Variants in ZFYVE16 observed in about 807,000 individuals in gnomAD.
ZFYVE16 encodes the protein zinc finger FYVE-type containing 16, also known as zinc finger FYVE domain-containing protein 16.
A neutral mutation model predicts 138.1 loss-of-function variants in ZFYVE16; 89 were observed. That is an observed-to-expected ratio of 0.64 (90% CI 0.54 to 0.77). The LOEUF (loss-of-function observed/expected upper bound fraction) is 0.77. ZFYVE16 is among the 30% of genes least tolerant of loss of function. ZFYVE16 has a pLI of 0.00. For missense variants in ZFYVE16, 1,793 were observed against 1,786.7 expected, an observed-to-expected ratio of 1.00 and a Z score of -0.06; for synonymous variants, 596 against 618.3, an observed-to-expected ratio of 0.96 and a Z score of 0.53.
At chr5:80,462,791 C>T (rs1252729085) in intron 15 of ZFYVE16, among the ~76,000 whole-genome samples, 5 of 152,196 alleles carry the variant, frequency 3.3e-5, no homozygotes, top group Non-Finnish European at 7.3e-5. Flanking sequence ...ATTTGGGGTA[C>T]AGGCGTTGGG....
intron 14 of ZFYVE16, among the ~76,000 whole-genome samples, 191 bp from the exon 15 acceptor site, chr5:80,459,223 C>T (rs1172500703): frequency 6.6e-6 from 1 of 152,158 alleles, no homozygotes; most frequent in African/African-American, 2.4e-5. Context: ...CCACCGCGCC[C>T]AGCCGCATTA....
chr5:80,481,762 A>G lies in ZFYVE16; in HGVS notation c.*4385A>G, dbSNP rs1755279230. On this transcript the variant is annotated 3_prime_UTR_variant, in exon 19 of 19. Transcript: ENST00000505560. ...CTCTAGGGAAAAGACAATGAACAAG[A>G]GCCAACTCTAAGGTTACCCAAATGT... 1.3e-5 allele frequency among the ~76,000 whole-genome samples: 2 copies of G among 152,226 alleles called. No homozygotes were observed.
At chr5:80,409,729 T>C (rs369487457) in intron 1 of ZFYVE16, 2 of 152,170 alleles carry the variant, frequency 1.3e-5, no homozygotes, top group Non-Finnish European at 2.9e-5. Flanking sequence ...CTTGAACAGA[T>C]ACGTAGCAGG....
At chr5:80,435,619 A>G in intron 3 of ZFYVE16, 1 of 223,024 alleles carries the variant, frequency 4.5e-6, no homozygotes, top group South Asian at 4.2e-5. Flanking sequence ...CCCTAGCCGG[A>G]GTGCAATGGT....
At chr5:80,451,895 A>G (rs1170254922) in intron 11 of ZFYVE16, 186 bp downstream of exon 11, 9 of 541,256 alleles carry the variant, frequency 1.7e-5, no homozygotes, top group Non-Finnish European at 2.9e-5. Context: ...GTATGTCTTC[A>G]AGTTTCTAGA....
rs191807060 is a variant in ZFYVE16 at position 80,438,674 on chromosome 5, G to A, written c.1989G>A (p.Lys663=). Reference sequence around the variant, plus strand: ...TTCCATCAAGAACAAGGAGTTCAAAGGACCTGAATAAGCCAGATGTTCCAG... The same window carrying A: ...TTCCATCAAGAACAAGGAGTTCAAAAGACCTGAATAAGCCAGATGTTCCAG... ...FSLPSRTRSS[K]DLNKPDVPDT... is the part of the protein sequence containing the mutation. Residue 663 remains lysine (K), a synonymous_variant, in exon 4 of 19, where the codon AAG becomes AAA. Coordinates refer to ENST00000505560, the MANE Select transcript of ZFYVE16 (RefSeq NM_001284236.3). 10 of 1,614,084 alleles carry A rather than the reference G, an allele frequency of 6.2e-6. No homozygotes were observed. In the East Asian group the frequency reaches 2.2e-4, roughly 36 times the overall value.
intron 1 of ZFYVE16, among the ~76,000 whole-genome samples, chr5:80,426,364 G>A (rs745796367): frequency 5.3e-5 from 8 of 151,490 alleles, no homozygotes; most frequent in East Asian, 1.9e-4. Context: ...CGTGTGCCAC[G>A]GTGGTTTGCT....
chr5:80,435,357 TG>T (rs1005222776), intron 3 of ZFYVE16, among the ~76,000 whole-genome samples: 22 of 152,108 alleles, frequency 1.4e-4, no homozygotes, highest in African/African-American at 5.1e-4. Flanking sequence ...TTGGTAGAGA[TG>T]GGGTTTCACC....
Position 80,438,941 on chromosome 5 carries a change from CTG to C in ZFYVE16, c.2258_2259del (p.Cys753TyrfsTer29). ...TWVPDSEAPN[C>X]MNCQVKFTFT... ...GGGTTCCTGATTCAGAAGCTCCAAA[CTG>C]TATGAACTGCCAAGTCAAATTTACT... is the stretch of plus-strand genomic sequence containing the variant. On this transcript the variant is annotated frameshift_variant, in exon 4 of 19. Transcript: ENST00000505560. LOFTEE classifies it high-confidence loss of function. 1 of 1,614,044 alleles carries C rather than the reference CTG, an allele frequency of 6.2e-7. No homozygotes were observed. Among genetic ancestry groups the C allele is most frequent in the Non-Finnish European group, 8.5e-7 (1 of 1,179,936 alleles).
At chr5:80,419,610 C>T (rs1268048080) in intron 1 of ZFYVE16, among the ~76,000 whole-genome samples, 1 of 152,038 alleles carries the variant, frequency 6.6e-6, no homozygotes, top group Non-Finnish European at 1.5e-5. Flanking sequence ...AACTCTTGAC[C>T]TCATGATCCG....
intron 3 of ZFYVE16, 138 bp downstream of exon 3, chr5:80,434,355 CATA>C (rs1749564495): frequency 2.6e-6 from 2 of 762,652 alleles, no homozygotes; most frequent in African/African-American, 3.5e-5. Context: ...TCATTTATTT[CATA>C]ATAAGATGTT....
intron 15 of ZFYVE16, among the ~76,000 whole-genome samples, chr5:80,462,700 A>G (rs1272851932): frequency 6.6e-6 from 1 of 152,230 alleles, no homozygotes; most frequent in Non-Finnish European, 1.5e-5. Flanking sequence ...GTCCAAGTCC[A>G]AAGTCTCATC....
intron 18 of ZFYVE16, among the ~76,000 whole-genome samples, chr5:80,475,984 C>A (rs997943164): frequency 6.6e-6 from 1 of 152,174 alleles, no homozygotes; most frequent in Non-Finnish European, 1.5e-5. Flanking sequence ...CACTCTGCCA[C>A]CCAGGCTGGA....
At chr5:80,430,347 C>A (rs960992636) in intron 2 of ZFYVE16, among the ~76,000 whole-genome samples, 3 of 151,152 alleles carry the variant, frequency 2.0e-5, no homozygotes, top group Admixed American at 1.3e-4. Flanking sequence ...CTACTGGGTA[C>A]GTAACGAAAT....
At chr5:80,466,526 C>T (rs1487335989) in intron 15 of ZFYVE16, among the ~76,000 whole-genome samples, 2 of 152,094 alleles carry the variant, frequency 1.3e-5, no homozygotes, top group Non-Finnish European at 2.9e-5. Context: ...GACATAGTTC[C>T]TTTAGTTCTG....
intron 2 of ZFYVE16, among the ~76,000 whole-genome samples, chr5:80,431,061 A>T (rs1010397255): frequency 1.3e-5 from 2 of 152,212 alleles, no homozygotes; most frequent in Non-Finnish European, 2.9e-5. Context: ...CAATAGAAAA[A>T]GAGGGAATCC....
chr5:80,457,201 T>TA, intron 14 of ZFYVE16, 109 bp downstream of exon 14: 1 of 1,427,224 alleles, frequency 7.0e-7, no homozygotes, highest in Non-Finnish European at 9.4e-7. Context: ...TTGTTGGTGA[T>TA]AAAACAATAT....
intron 5 of ZFYVE16, chr5:80,441,666 G>T: frequency 1.1e-6 from 1 of 935,122 alleles, no homozygotes; most frequent in Non-Finnish European, 1.2e-6. Context: ...CTGAGATTAT[G>T]TGAGTTTCAA....
In ZFYVE16 at chr5:80,481,064, AAGAG is replaced by A. The variant is rs373330989; in HGVS notation, c.*3690_*3693del. On this transcript the variant is annotated 3_prime_UTR_variant, in exon 19 of 19. Coordinates refer to ENST00000505560, the MANE Select transcript of ZFYVE16 (RefSeq NM_001284236.3). ...CTTTTTAATTTAATTGCAGTATTCTAAGAGAGCCTCAGGAAAGATGCAGTAAGAC... is the reference window on the plus strand; with the variant it reads ...CTTTTTAATTTAATTGCAGTATTCTAAGCCTCAGGAAAGATGCAGTAAGAC... Among the ~76,000 whole-genome samples, 17 of 152,274 alleles carry A rather than the reference AAGAG, an allele frequency of 1.1e-4. 1 individual carries two copies. The highest frequency in any genetic ancestry group is 3.9e-4 in the African/African-American group (16 of 41,548).
Sources: allele counts gnomAD v4.1 joint callset (sites outside exome capture counted in the v4.1 genomes callset), GRCh38; gene constraint gnomAD v4.1.1; transcripts MANE v1.5; gene names NCBI Gene and HGNC (gene_info 2026-07-23, HGNC 2026-07-21).